CLVS1: variants seen among roughly 807,000 people sequenced by gnomAD.
The protein encoded by CLVS1 is clavesin 1.
A neutral mutation model predicts 33.1 loss-of-function variants in CLVS1; 10 were observed. That is an observed-to-expected ratio of 0.30 (90% CI 0.19 to 0.51). The LOEUF (loss-of-function observed/expected upper bound fraction) is 0.51. Among genes scored for constraint, CLVS1 ranks in the 20% least tolerant of loss-of-function variants. The pLI is 0.97. For synonymous variants in CLVS1, 163 were observed against 166.1 expected (o/e 0.98, Z 0.14); for missense variants, 343 against 433.4 (o/e 0.79, Z 1.85).
chr8:61,086,007 G>C (rs1449937432), intron 1 of CLVS1, among the ~76,000 whole-genome samples: 16 of 114,818 alleles, frequency 1.4e-4, no homozygotes, highest in Admixed American at 7.8e-4. Context: ...CTGCACTCCA[G>C]CCTGGGCGAC....
At chr8:61,104,610 C>T (rs1005709237) in intron 1 of CLVS1, among the ~76,000 whole-genome samples, 19 of 152,004 alleles carry the variant, frequency 1.2e-4, no homozygotes, top group Admixed American at 1.2e-3. Context: ...ACATTTTTTT[C>T]CCAAATCAAA....
At chr8:61,463,771 T>A (rs1017120770) in intron 5 of CLVS1, among the ~76,000 whole-genome samples, 58 of 151,858 alleles carry the variant, frequency 3.8e-4, no homozygotes, top group Admixed American at 1.7e-3. Context: ...GATATAAGAA[T>A]AATAAAAAGT....
At chr8:61,122,091 A>G (rs1463482990) in intron 1 of CLVS1, among the ~76,000 whole-genome samples, 1 of 152,250 alleles carries the variant, frequency 6.6e-6, no homozygotes, top group Non-Finnish European at 1.5e-5. Flanking sequence ...AGAAGGATCT[A>G]AAGCCACTTT....
the CLVS1 span, among the ~76,000 whole-genome samples, chr8:61,028,964 C>T: frequency 6.6e-6 from 1 of 152,218 alleles, no homozygotes; most frequent in South Asian, 2.1e-4. Context: ...GCAGAGAAGT[C>T]AAGGGACTTC....
At chr8:61,426,821 A>T (rs917607988) in intron 3 of CLVS1, among the ~76,000 whole-genome samples, 1 of 152,272 alleles carries the variant, frequency 6.6e-6, no homozygotes, top group Non-Finnish European at 1.5e-5. Context: ...TCTTTTTTCC[A>T]TAGGCTGTGA....
intron 2 of CLVS1, among the ~76,000 whole-genome samples, chr8:61,341,333 C>T (rs117899627): frequency 0.011 from 1,649 of 152,268 alleles, 14 homozygotes; most frequent in South Asian, 0.019. Flanking sequence ...GTGTTAAAAC[C>T]CACAAATGAA....
At chr8:61,183,161 G>T (rs1316160993) in intron 2 of CLVS1, among the ~76,000 whole-genome samples, 1 of 149,978 alleles carries the variant, frequency 6.7e-6, no homozygotes, top group Non-Finnish European at 1.5e-5. Context: ...GCGGAGGGGG[G>T]CAGGCACAAG....
chr8:61,031,754 G>A, the CLVS1 span, among the ~76,000 whole-genome samples: 1 of 152,208 alleles, frequency 6.6e-6, no homozygotes, highest in East Asian at 1.9e-4. Flanking sequence ...AAGGCGATGA[G>A]TGGCTTTTAC....
intron 3 of CLVS1, among the ~76,000 whole-genome samples, chr8:61,406,618 T>TGG (rs57210777): frequency 1.2e-4 from 17 of 145,176 alleles, no homozygotes; most frequent in African/African-American, 3.2e-4. Context: ...GTTTTTTTTG[T>TGG]GGGGGGGGGG....
At chr8:60,966,503 C>T in the CLVS1 span, 2 of 406,504 alleles carry the variant, frequency 4.9e-6, no homozygotes, top group Non-Finnish European at 9.9e-6. Context: ...TTTGCATATG[C>T]CATGACCCAG....
the CLVS1 span, among the ~76,000 whole-genome samples, chr8:61,019,826 T>C: frequency 6.6e-6 from 1 of 152,154 alleles, no homozygotes; most frequent in Non-Finnish European, 1.5e-5. Flanking sequence ...CAATACAAGC[T>C]TAACTGGAGT....
At position 61,278,119 on chromosome 8, in the gene CLVS1, A is replaced by G. The variant is rs968848867; in HGVS notation, c.-151-21558A>G. 2.0e-5 allele frequency among the ~76,000 whole-genome samples: 3 copies of G among 152,172 alleles called. No individual in the cohort carries two copies. The South Asian group carries it at 6.2e-4, about 32-fold the overall frequency. On this transcript the variant is annotated intron_variant, in intron 2 of 2. Transcript: ENST00000522621. ...GTAAATCTATGCCCTAATTTTAGGC[A>G]AATTGTGGGGGCCGAGAGCATTCCT...
At chr8:61,485,661 C>A (rs1301470164) in intron 5 of CLVS1, among the ~76,000 whole-genome samples, 1 of 152,218 alleles carries the variant, frequency 6.6e-6, no homozygotes, top group East Asian at 1.9e-4. Flanking sequence ...TTTATTGCAG[C>A]ACTATTCACA....
At chr8:61,433,630 C>T (rs925271600) in intron 3 of CLVS1, among the ~76,000 whole-genome samples, 67 of 152,218 alleles carry the variant, frequency 4.4e-4, no homozygotes, top group African/African-American at 1.3e-3. Flanking sequence ...GAGCGTCTGA[C>T]TCTGTGGGCT....
intron 3 of CLVS1, among the ~76,000 whole-genome samples, chr8:61,436,794 G>A (rs1816345392): frequency 6.6e-6 from 1 of 152,148 alleles, no homozygotes; most frequent in South Asian, 2.1e-4. Flanking sequence ...AGGGGTGCAG[G>A]AAAAGCTTCC....
intron 5 of CLVS1, among the ~76,000 whole-genome samples, chr8:61,486,726 C>T (rs1803899531): frequency 6.6e-6 from 1 of 152,162 alleles, no homozygotes; most frequent in South Asian, 2.1e-4. Flanking sequence ...CTGGAGACTC[C>T]TCTTGGTGGA....
At chr8:61,252,243 G>C (rs1401337521) in intron 2 of CLVS1, among the ~76,000 whole-genome samples, 1 of 151,986 alleles carries the variant, frequency 6.6e-6, no homozygotes, top group Non-Finnish European at 1.5e-5. Context: ...GAGTTTCTTA[G>C]TACTGAGTTC....
the CLVS1 span, among the ~76,000 whole-genome samples, chr8:60,997,788 G>T: frequency 6.6e-6 from 1 of 152,222 alleles, no homozygotes; most frequent in African/African-American, 2.4e-5. Flanking sequence ...CTGCAGTGCA[G>T]CTCTCTCTTG....
At chr8:60,996,837 G>A in the CLVS1 span, among the ~76,000 whole-genome samples, 1 of 152,064 alleles carries the variant, frequency 6.6e-6, no homozygotes, top group African/African-American at 2.4e-5. Flanking sequence ...ACTCTCCAAG[G>A]CCTCTACATC....
Sources: gnomAD v4.1 joint callset for allele counts (sites outside exome capture counted in the v4.1 genomes callset) on GRCh38, gnomAD v4.1.1 for gene constraint, MANE v1.5 for transcripts, NCBI Gene and HGNC (gene_info 2026-07-23, HGNC 2026-07-21) for gene names.